DISC1: variants seen among roughly 807,000 people sequenced by gnomAD.
DISC1 encodes disrupted in schizophrenia 1 protein.
In DISC1, 57 loss-of-function variants were observed where a neutral mutation model predicts 84.5. The ratio of observed to expected loss-of-function variants is 0.67; its 90% CI spans 0.55 to 0.84. The LOEUF is 0.84. Ranked by LOEUF, DISC1 falls within the 40% of genes least tolerant of loss-of-function variation. The pLI is 0.00. For missense variants in DISC1, 1,000 were observed against 1,057.8 expected, an observed-to-expected ratio of 0.95 and a Z score of 0.76; for synonymous variants, 411 against 415.2, an observed-to-expected ratio of 0.99 and a Z score of 0.12.
chr1:231,885,234 G>C (rs182887163), intron 9 of DISC1, among the ~76,000 whole-genome samples: 1 of 152,178 alleles, frequency 6.6e-6, no homozygotes, highest in Non-Finnish European at 1.5e-5. Context: ...CAAAACTTCT[G>C]CTAGGGCTAA....
At chr1:231,637,829 T>C (rs1226186294) in intron 1 of DISC1, among the ~76,000 whole-genome samples, 1 of 152,238 alleles carries the variant, frequency 6.6e-6, no homozygotes, top group Non-Finnish European at 1.5e-5. Context: ...TTCTGATACA[T>C]TGATTTATTT....
intron 9 of DISC1, among the ~76,000 whole-genome samples, chr1:231,907,411 G>T (rs985239634): frequency 6.6e-6 from 1 of 151,080 alleles, no homozygotes. Flanking sequence ...GTGAGAACAT[G>T]CAGTGTTTGG....
chr1:231,901,507 C>T (rs769947569), intron 9 of DISC1, among the ~76,000 whole-genome samples: 2 of 152,128 alleles, frequency 1.3e-5, no homozygotes, highest in Non-Finnish European at 2.9e-5. Context: ...GTCACTAAAT[C>T]TCATTAATTC....
chr1:231,702,642 C>A lies in DISC1; in HGVS notation c.1117+618C>A, dbSNP rs138595392. On this transcript the variant is annotated intron_variant, in intron 3 of 12. Coordinates refer to ENST00000439617, the MANE Select transcript of DISC1 (RefSeq NM_018662.3). ...ACTGATCTGAGGCCAGGAAAACAAACAAACAAAAAAACAAAAAAACCAATT... is the reference window on the plus strand; with the variant it reads ...ACTGATCTGAGGCCAGGAAAACAAAAAAACAAAAAAACAAAAAAACCAATT... The A allele has an allele frequency of 5.9e-4, 576 of 979,958 alleles. 5 individuals are homozygous for A. The African/African-American group carries it at 9.6e-3, about 16-fold the overall frequency. 60.7% of individuals were successfully genotyped at this position (979,958 alleles called of 1,614,324 possible). A position where few individuals can be genotyped will look rare whatever the true frequency, so the allele number is the denominator to read the frequency against.
chr1:231,913,986 C>T (rs780941042), intron 9 of DISC1, among the ~76,000 whole-genome samples: 1 of 152,218 alleles, frequency 6.6e-6, no homozygotes, highest in Non-Finnish European at 1.5e-5. Context: ...GAAGCCCCCA[C>T]CCAGTGGCTT....
chr1:231,742,563 A>G (rs797019009), intron 3 of DISC1, among the ~76,000 whole-genome samples: 19 of 152,262 alleles, frequency 1.2e-4, no homozygotes, highest in South Asian at 4.2e-4. Flanking sequence ...ACTTGAGGCC[A>G]GGAGTTTGTG....
At chr1:231,746,282 T>G (rs1259210592) in intron 3 of DISC1, among the ~76,000 whole-genome samples, 1 of 152,228 alleles carries the variant, frequency 6.6e-6, no homozygotes, top group Non-Finnish European at 1.5e-5. Context: ...AATGACAGGA[T>G]TTCATTCTTA....
At chr1:231,774,006 T>C (rs1353312815) in intron 6 of DISC1, among the ~76,000 whole-genome samples, 1 of 151,896 alleles carries the variant, frequency 6.6e-6, no homozygotes. Context: ...CTCACACCTA[T>C]AATCCCAGCA....
At position 231,807,153 on chromosome 1, in the gene DISC1, C is replaced by G. The variant is rs187789987; in HGVS notation, c.1792+6943C>G. On this transcript the variant is annotated intron_variant, in intron 8 of 12. Transcript: ENST00000439617. ...CTGTGTGTTGGACTGCGGGTCTGCA[C>G]CATTGTGAGACACGGTCCTATATTG... Among the ~76,000 whole-genome samples the G allele has an allele frequency of 1.1e-4, 16 of 152,362 alleles. No homozygotes were observed. The East Asian group carries it at 2.5e-3, about 24-fold the overall frequency.
chr1:231,738,794 A>G (rs765471162), intron 3 of DISC1, among the ~76,000 whole-genome samples: 32 of 152,150 alleles, frequency 2.1e-4, no homozygotes, highest in Non-Finnish European at 4.4e-4. Context: ...GTTGGTTCCT[A>G]TTCTATTCAA....
chr1:231,711,312 T>G (rs1337776860), intron 3 of DISC1, among the ~76,000 whole-genome samples: 1 of 149,248 alleles, frequency 6.7e-6, no homozygotes, highest in Non-Finnish European at 1.5e-5. Flanking sequence ...TTAGAATTGA[T>G]TTTTTTTTTA....
intron 9 of DISC1, among the ~76,000 whole-genome samples, chr1:231,924,054 A>G (rs1175128288): frequency 1.3e-5 from 2 of 152,204 alleles, no homozygotes; most frequent in Admixed American, 6.5e-5. Flanking sequence ...GCTTATTTCA[A>G]CATCGCTATA....
At position 231,767,232 on chromosome 1, in the gene DISC1, G is replaced by A; in HGVS notation, c.1361G>A (p.Arg454Lys). Residue 454 changes from arginine to lysine, a missense_variant, in exon 5 of 13, where the codon AGA (arginine) becomes AAA (lysine). This residue lies in a region of DISC1 where 311 missense variants were observed against 400.1 expected (regional missense o/e 0.78). Transcript: ENST00000439617. ...GACAGCTTGCACGTGTCCATCACGA[G>A]ACGAGACTGGCTTCTTCAGGAAAAG... Reference protein sequence around the residue: ...AQDSLHVSITRRDWLLQEKQQ... With the variant: ...AQDSLHVSITKRDWLLQEKQQ... The A allele has an allele frequency of 1.9e-6, 3 of 1,614,228 alleles. No individual in the cohort carries two copies. The highest frequency in any genetic ancestry group is 2.5e-6 in the Non-Finnish European group (3 of 1,180,040).
At chr1:232,032,478 C>G (rs1670139486) in intron 12 of DISC1, among the ~76,000 whole-genome samples, 1 of 152,184 alleles carries the variant, frequency 6.6e-6, no homozygotes, top group South Asian at 2.1e-4. Context: ...AAGTTACATG[C>G]TTACCTACCA....
At chr1:232,005,951 A>G (rs1261713796) in intron 10 of DISC1, among the ~76,000 whole-genome samples, 2 of 152,182 alleles carry the variant, frequency 1.3e-5, no homozygotes, top group Admixed American at 6.5e-5. Flanking sequence ...TCCAAAAAAA[A>G]GTCAAAATTT....
chr1:231,891,443 T>G (rs552868243), intron 9 of DISC1, among the ~76,000 whole-genome samples: 1 of 152,076 alleles, frequency 6.6e-6, no homozygotes, highest in Non-Finnish European at 1.5e-5. Context: ...TCATGCCACG[T>G]GAGGAAGCAC....
In DISC1 at chr1:231,789,511, C is replaced by T. The variant is rs529398442; in HGVS notation, c.1635-5731C>T. On this transcript the variant is annotated intron_variant, in intron 6 of 12. Coordinates refer to ENST00000439617, the MANE Select transcript of DISC1 (RefSeq NM_018662.3). The stretch of plus-strand genomic sequence containing the variant: ...CAGACTGTAGAGGAGTGAGGGTGAA[C>T]GCAGAAGAACTGTTCAGAGACGATT... 1.2e-4 allele frequency among the ~76,000 whole-genome samples: 18 copies of T among 152,236 alleles called. 1 individual carries two copies. The South Asian group carries it at 1.7e-3, about 14-fold the overall frequency.
At chr1:231,754,962 T>C (rs1382834854) in intron 4 of DISC1, among the ~76,000 whole-genome samples, 5 of 152,218 alleles carry the variant, frequency 3.3e-5, no homozygotes, top group Non-Finnish European at 5.9e-5. Context: ...CACTGTGACC[T>C]GATTTCTGTC....
At chr1:232,003,274 G>A (rs1666942878) in intron 10 of DISC1, among the ~76,000 whole-genome samples, 1 of 152,102 alleles carries the variant, frequency 6.6e-6, no homozygotes, top group Non-Finnish European at 1.5e-5. Context: ...TGAAAACATA[G>A]AATGGTAAAA....
Sources: gnomAD v4.1 joint callset for allele counts (sites outside exome capture counted in the v4.1 genomes callset) on GRCh38, gnomAD v4.1.1 for gene constraint, gnomAD v4.1.1 regional missense constraint, MANE v1.5 for transcripts, NCBI Gene and HGNC (gene_info 2026-07-23, HGNC 2026-07-21) for gene names.